The following ST6GALNAC3 variants were observed in gnomAD, a reference collection of about 807,000 sequenced individuals.
ST6GALNAC3 encodes alpha-N-acetylgalactosaminide alpha-2,6-sialyltransferase 3.
A neutral mutation model predicts 32.7 loss-of-function variants in ST6GALNAC3; 25 were observed. The observed-to-expected ratio is 0.76, with a 90% CI of 0.56 to 1.07. The LOEUF is 1.07. Among genes scored for constraint, ST6GALNAC3 ranks in the 50% least tolerant of loss-of-function variants. The pLI is 0.00. For missense variants in ST6GALNAC3, 355 were observed against 382.4 expected, an observed-to-expected ratio of 0.93 and a Z score of 0.60; for synonymous variants, 129 against 133.1, an observed-to-expected ratio of 0.97 and a Z score of 0.21.
At chr1:76,371,424 G>A (rs1178555711) in intron 2 of ST6GALNAC3, among the ~76,000 whole-genome samples, 3 of 152,150 alleles carry the variant, frequency 2.0e-5, no homozygotes, top group South Asian at 2.1e-4. Context: ...ACCGAGAGTT[G>A]TAGTGGAAGG....
chr1:76,361,409 T>G (rs892094829), intron 2 of ST6GALNAC3, among the ~76,000 whole-genome samples: 2 of 152,176 alleles, frequency 1.3e-5, no homozygotes, highest in Non-Finnish European at 2.9e-5. Flanking sequence ...TGACTTGATT[T>G]CCCTCCTATT....
chr1:76,502,430 G>T (rs1224212428), intron 3 of ST6GALNAC3, among the ~76,000 whole-genome samples: 1 of 152,192 alleles, frequency 6.6e-6, no homozygotes, highest in Non-Finnish European at 1.5e-5. Context: ...CTGAAGACTA[G>T]AAGTCCAAAA....
chr1:76,602,587 A>G (rs1484451716), intron 3 of ST6GALNAC3, among the ~76,000 whole-genome samples: 2 of 152,214 alleles, frequency 1.3e-5, no homozygotes, highest in Non-Finnish European at 2.9e-5. Flanking sequence ...TCGTTAAAAA[A>G]AAATCTTAAA....
intron 1 of ST6GALNAC3, among the ~76,000 whole-genome samples, chr1:76,227,231 A>G (rs945082878): frequency 3.3e-5 from 5 of 152,168 alleles, no homozygotes; most frequent in African/African-American, 1.2e-4. Context: ...GGCCCTGATC[A>G]ATCAAAATGA....
At chr1:76,223,021 C>T (rs1655866132) in intron 1 of ST6GALNAC3, among the ~76,000 whole-genome samples, 1 of 152,100 alleles carries the variant, frequency 6.6e-6, no homozygotes, top group Admixed American at 6.6e-5. Context: ...ACAGAATTAC[C>T]ATTTGCCCTA....
intron 1 of ST6GALNAC3, among the ~76,000 whole-genome samples, chr1:76,252,987 G>A (rs1392082890): frequency 6.6e-6 from 1 of 152,064 alleles, no homozygotes; most frequent in East Asian, 1.9e-4. Context: ...GGGAGGTAGA[G>A]AAGTGAGAAT....
intron 3 of ST6GALNAC3, among the ~76,000 whole-genome samples, chr1:76,519,915 C>T (rs1662408463): frequency 6.6e-6 from 1 of 151,520 alleles, no homozygotes; most frequent in Admixed American, 6.6e-5. Context: ...CATGCATGCA[C>T]ACACACTGTA....
chr1:76,386,049 T>A (rs1652070406), intron 2 of ST6GALNAC3, among the ~76,000 whole-genome samples: 1 of 152,106 alleles, frequency 6.6e-6, no homozygotes, highest in Admixed American at 6.6e-5. Context: ...TTATTCATGT[T>A]CTTTATTTAA....
At chr1:76,558,959 A>G (rs911371563) in intron 3 of ST6GALNAC3, among the ~76,000 whole-genome samples, 17 of 152,260 alleles carry the variant, frequency 1.1e-4, no homozygotes, top group African/African-American at 4.1e-4. Context: ...AAAAAAGAGG[A>G]GGCAATGTGC....
chr1:76,429,650 C>T (rs1219555700), intron 3 of ST6GALNAC3, among the ~76,000 whole-genome samples: 3 of 152,110 alleles, frequency 2.0e-5, no homozygotes, highest in Non-Finnish European at 4.4e-5. Context: ...CTCTTGAGCA[C>T]TGGAAGACAT....
chr1:76,496,795 A>G (rs1201898659), intron 3 of ST6GALNAC3, among the ~76,000 whole-genome samples: 2 of 152,296 alleles, frequency 1.3e-5, no homozygotes, highest in African/African-American at 4.8e-5. Context: ...GGCCCATCAA[A>G]CAAATGGACT....
In ST6GALNAC3 at chr1:76,633,491, G is replaced by T. The variant is rs142772915; in HGVS notation, c.*4685G>T. The stretch of plus-strand genomic sequence containing the variant: ...ACTTGTTTAAAGAACTTAAAGGTCA[G>T]TTTCTTAGTTTCTCTTTGTGATTGA... On this transcript the variant is annotated 3_prime_UTR_variant, in exon 5 of 5. Transcript: ENST00000328299. 2.0e-5 allele frequency: 3 copies of T among 152,290 alleles called. No homozygotes were observed. Among genetic ancestry groups the T allele is most frequent in the East Asian group, 1.9e-4 (1 of 5,182 alleles). 9.4% of individuals were successfully genotyped at this position (152,290 alleles called of 1,614,324 possible).
chr1:76,440,057 A>G (rs989544460), intron 3 of ST6GALNAC3, among the ~76,000 whole-genome samples: 17 of 152,180 alleles, frequency 1.1e-4, no homozygotes, highest in Non-Finnish European at 1.6e-4. Context: ...GACATCTAGC[A>G]TGTGCACAAG....
chr1:76,199,297 T>C (rs889167547), intron 1 of ST6GALNAC3, among the ~76,000 whole-genome samples: 3 of 152,226 alleles, frequency 2.0e-5, no homozygotes, highest in African/African-American at 7.2e-5. Flanking sequence ...GGATTGATGC[T>C]GGGCCAGACT....
intron 1 of ST6GALNAC3, among the ~76,000 whole-genome samples, chr1:76,142,332 C>T (rs61771336): frequency 0.092 from 13,937 of 152,164 alleles, 701 homozygotes; most frequent in Non-Finnish European, 0.11. Context: ...TGTGGCCTGG[C>T]GTCTAGAAAG....
intron 3 of ST6GALNAC3, among the ~76,000 whole-genome samples, chr1:76,602,136 C>T (rs1443680942): frequency 1.3e-5 from 2 of 152,082 alleles, no homozygotes; most frequent in Non-Finnish European, 2.9e-5. Flanking sequence ...TTTGACAAAA[C>T]TGAGAGGCCT....
chr1:76,146,700 C>T (rs1345716465), intron 1 of ST6GALNAC3, among the ~76,000 whole-genome samples: 1 of 152,120 alleles, frequency 6.6e-6, no homozygotes, highest in African/African-American at 2.4e-5. Flanking sequence ...CCCCCCTCAC[C>T]GCTAAAAAAA....
chr1:76,604,029 A>G (rs1204552052), intron 3 of ST6GALNAC3, among the ~76,000 whole-genome samples: 1 of 152,206 alleles, frequency 6.6e-6, no homozygotes, highest in Non-Finnish European at 1.5e-5. Context: ...AAATCTTGTG[A>G]CCTTCACTCT....
intron 3 of ST6GALNAC3, among the ~76,000 whole-genome samples, chr1:76,622,145 T>C (rs912135462): frequency 6.6e-6 from 1 of 151,418 alleles, no homozygotes; most frequent in Non-Finnish European, 1.5e-5. Context: ...ACAGTAGAAC[T>C]GAAGCTGCAA....
Sources: gnomAD v4.1 joint callset for allele counts (sites outside exome capture counted in the v4.1 genomes callset) on GRCh38, gnomAD v4.1.1 for gene constraint, MANE v1.5 for transcripts, NCBI Gene and HGNC (gene_info 2026-07-23, HGNC 2026-07-21) for gene names.